The following CP variants were observed in gnomAD, a reference collection of about 807,000 sequenced individuals.
CP encodes the protein caeruloplasmin.
CP carries 64 observed loss-of-function variants against 122.4 expected under a neutral mutation model. The ratio of observed to expected loss-of-function variants is 0.52; its 90% CI spans 0.43 to 0.64. The LOEUF (loss-of-function observed/expected upper bound fraction) is 0.64, where lower values mean the gene tolerates loss of function less well. CP is among the 30% of genes least tolerant of loss of function. The probability of loss-of-function intolerance (pLI) is 0.00; values close to 1 mark genes in which losing one functional copy is unlikely to be tolerated. For missense variants in CP, 1,167 were observed against 1,284.4 expected (o/e 0.91, Z 1.40); for synonymous variants, 440 against 436.4 (o/e 1.01, Z -0.10).
At chr3:149,202,302 C>G (rs1311876988) in intron 6 of CP, 61 bp from the exon 7 acceptor site, 3 of 1,608,850 alleles carry the variant, frequency 1.9e-6, no homozygotes, top group Non-Finnish European at 2.5e-6. Flanking sequence ...CAGGTATTCA[C>G]TTAAGGTGCT....
At chr3:149,187,690 A>G (rs1726263961) in intron 10 of CP, among the ~76,000 whole-genome samples, 2 of 152,238 alleles carry the variant, frequency 1.3e-5, no homozygotes, top group East Asian at 1.9e-4. Context: ...GTTCATCAGA[A>G]TCATCTGCAG....
At chr3:149,206,885 C>A (rs899011143) in intron 5 of CP, among the ~76,000 whole-genome samples, 2 of 151,984 alleles carry the variant, frequency 1.3e-5, no homozygotes, top group African/African-American at 4.8e-5. Context: ...ATTCAGTAGA[C>A]CAATATTAAA....
chr3:149,186,621 T>G lies in CP; in HGVS notation c.1976A>C (p.Tyr659Ser). Residue 659 changes from tyrosine (Y) to serine (S), a missense_variant, in exon 11 of 19, where the codon TAC becomes TCC. Tyr to Ser is a moderately radical substitution (Grantham distance 144, BLOSUM62 -2). Coordinates refer to ENST00000264613, the MANE Select transcript of CP (RefSeq NM_000096.4). ...CCACAGATATGTGTTTCCTGAAAAG[T>G]ATATTCCATGTACATCGGCCTCATT... is the stretch of plus-strand genomic sequence containing the variant. ...AGNEADVHGI[Y>S]FSGNTYLWRG... 1 of 1,614,218 alleles carries G rather than the reference T, an allele frequency of 6.2e-7. No individual in the cohort carries two copies. Among genetic ancestry groups the G allele is most frequent in the Non-Finnish European group, 8.5e-7 (1 of 1,180,038 alleles).
intron 9 of CP, among the ~76,000 whole-genome samples, chr3:149,195,906 A>G (rs1022051656): frequency 3.3e-5 from 5 of 152,064 alleles, no homozygotes; most frequent in African/African-American, 4.8e-5. Context: ...CCAAAAAAAA[A>G]GGTAACTATG....
In CP at chr3:149,211,148, A is replaced by C. The variant is rs186415136; in HGVS notation, c.395-769T>G. ...CCTAAACAACAACAAAAACAAAAAA[A>C]GTCAACACATTCACTTTCTAAACCA... On this transcript the variant is annotated intron_variant, in intron 2 of 18. Coordinates refer to ENST00000264613, the MANE Select transcript of CP (RefSeq NM_000096.4). Among the ~76,000 whole-genome samples the C allele has an allele frequency of 2.7e-3, 412 of 152,340 alleles. 2 individuals are homozygous for C. Among genetic ancestry groups the C allele is most frequent in the African/African-American group, 9.1e-3 (380 of 41,578 alleles).
At chr3:149,200,799 C>T (rs187730707) in intron 7 of CP, among the ~76,000 whole-genome samples, 5 of 152,112 alleles carry the variant, frequency 3.3e-5, no homozygotes, top group African/African-American at 7.2e-5. Flanking sequence ...CATGAGCCAC[C>T]GCGCCCAGCC....
chr3:149,186,773 T>C (rs1338655575), intron 10 of CP, 41 bp from the exon 11 acceptor site: 1 of 1,573,430 alleles, frequency 6.4e-7, no homozygotes, highest in African/African-American at 1.4e-5. Context: ...GTGGTTTAGA[T>C]TCTACTACAT....
intron 9 of CP, among the ~76,000 whole-genome samples, chr3:149,189,674 T>C (rs554667549): frequency 2.5e-4 from 38 of 152,112 alleles, no homozygotes; most frequent in South Asian, 8.3e-4. Context: ...AATATTATGA[T>C]ACAAAAATGT....
downstream of CP, among the ~76,000 whole-genome samples, chr3:149,170,832 A>T (rs562014256): frequency 2.0e-5 from 3 of 152,322 alleles, no homozygotes; most frequent in East Asian, 3.9e-4. Context: ...TGACATGTGG[A>T]TAGAAGATGT....
rs200683433 is a variant in CP, at chr3:149,212,616, C to G, written c.229G>C (p.Asp77His). 106 of 1,614,038 alleles carry G rather than the reference C, an allele frequency of 6.6e-5. No individual in the cohort carries two copies. The highest frequency in any genetic ancestry group is 6.5e-4 in the South Asian group (59 of 91,068). ...YKKALYLQYT[D>H]ETFRTTIEKP... is the part of the protein sequence containing the mutation. ...TCTATAGTTGTCCTAAAGGTTTCAT[C>G]TGTGTACTGAAGATAAAGGGCCTTC... Residue 77 changes from aspartate to histidine, a missense_variant, in exon 2 of 19, where the codon GAT becomes CAT. By Grantham distance (81) the Asp-to-His change is moderately conservative. This residue lies in a region of CP where 642 missense variants were observed against 627.3 expected (regional missense o/e 1.02). Transcript: ENST00000264613.
At chr3:149,164,886 G>C (rs781080135) in intron 5 of CP, among the ~76,000 whole-genome samples, 12 of 151,960 alleles carry the variant, frequency 7.9e-5, no homozygotes, top group African/African-American at 2.7e-4. Context: ...GCCTCTTTAG[G>C]CTTTTGAATT....
chr3:149,214,661 T>C (rs1728341308), intron 1 of CP, among the ~76,000 whole-genome samples: 1 of 152,186 alleles, frequency 6.6e-6, no homozygotes, highest in Non-Finnish European at 1.5e-5. Context: ...ATTTCCCAAT[T>C]TGTTAAAGCA....
intron 9 of CP, among the ~76,000 whole-genome samples, chr3:149,191,106 G>A (rs55773387): frequency 0.06 from 9,102 of 152,198 alleles, 315 homozygotes; most frequent in African/African-American, 0.075. Context: ...TGTAAAATAT[G>A]ACATTCTGGC....
At chr3:149,183,129 C>T (rs11922514) in intron 13 of CP, among the ~76,000 whole-genome samples, 16,485 of 151,866 alleles carry the variant, frequency 0.11, 2,580 homozygotes, top group African/African-American at 0.35. Context: ...CCATCCTGGG[C>T]GACAGAGTGA....
chr3:149,162,787 A>G lies in CP; in HGVS notation c.*102T>C, dbSNP rs1724009210. On this transcript the variant is annotated 3_prime_UTR_variant, in exon 6 of 6. Coordinates refer to the CP transcript ENST00000479771. The stretch of plus-strand genomic sequence containing the variant: ...TGTCTCCCAGATGTGGTACTTCAGG[A>G]ACTCTTTTTCAAACTCACATCACAG... 10 of 1,613,922 alleles carry G rather than the reference A, an allele frequency of 6.2e-6. No homozygotes were observed. In the East Asian group the frequency reaches 2.2e-4, roughly 36 times the overall value.
intron 5 of CP, chr3:149,163,819 T>G: frequency 4.4e-4 from 548 of 1,250,356 alleles, no homozygotes; most frequent in Middle Eastern, 9.8e-4. Flanking sequence ...ATTTTGTTTA[T>G]GAGAAATTCT....
At position 149,167,218 on chromosome 3, in the gene CP, AT is replaced by A. The variant is rs1724514529; in HGVS notation, c.587-1169del. 1.9e-6 allele frequency: 3 copies of A among 1,613,362 alleles called. No homozygotes were observed. In the South Asian group the frequency reaches 3.3e-5, roughly 18 times the overall value. Reference sequence around the variant, plus strand: ...GAGGCAGTCATTCCATATGCTAATCATGAACTGAAAGAAGAGAACCGGGTAT... The same window carrying A: ...GAGGCAGTCATTCCATATGCTAATCAGAACTGAAAGAAGAGAACCGGGTAT... On this transcript the variant is annotated intron_variant, in intron 4 of 5. Coordinates refer to the CP transcript ENST00000479771.
intron 6 of CP, among the ~76,000 whole-genome samples, chr3:149,204,304 G>A (rs1727553241): frequency 6.6e-6 from 1 of 152,184 alleles, no homozygotes; most frequent in African/African-American, 2.4e-5. Context: ...CTGCAGTAGG[G>A]AGACCAGTCA....
downstream of CP, among the ~76,000 whole-genome samples, chr3:149,171,599 T>TAGTAAGGAAA (rs1369236380): frequency 1.3e-5 from 2 of 152,100 alleles, no homozygotes; most frequent in Admixed American, 6.5e-5. Context: ...CAAAGGATTC[T>TAGTAAGGAAA]AGTAAGGAAA....
Sources: gnomAD v4.1 joint callset for allele counts (sites outside exome capture counted in the v4.1 genomes callset) on GRCh38, gnomAD v4.1.1 for gene constraint, gnomAD v4.1.1 regional missense constraint, MANE v1.5 for transcripts, NCBI Gene and HGNC (gene_info 2026-07-23, HGNC 2026-07-21) for gene names.